The following BAHCC1 variants were observed in gnomAD, a reference collection of about 807,000 sequenced individuals.
BAHCC1 encodes the protein BAH domain and coiled-coil containing 1, also known as BAH and coiled-coil domain-containing protein 1.
In BAHCC1, 43 loss-of-function variants were observed where a neutral mutation model predicts 88.2. The ratio of observed to expected loss-of-function variants is 0.49; its 90% CI spans 0.38 to 0.63. The LOEUF (loss-of-function observed/expected upper bound fraction) is 0.63. Among genes scored for constraint, BAHCC1 ranks in the 20% least tolerant of loss-of-function variants. The probability of loss-of-function intolerance (pLI) is 0.00; values close to 1 mark genes in which losing one functional copy is unlikely to be tolerated. For missense variants in BAHCC1, 3,023 were observed against 1,654.8 expected (o/e 1.83, Z -14.34); for synonymous variants, 1,510 against 745.5 (o/e 2.03, Z -16.71).
rs1555658477 is a variant in BAHCC1 at position 81,459,308 on chromosome 17, G to C, written c.5776G>C (p.Glu1926Gln). The change falls in exon 22 of 28, where the codon GAG becomes CAG. Residue 1926 changes from glutamate to glutamine, a missense_variant. Physicochemically the swap from Glu to Gln is conservative, Grantham distance 29. Coordinates refer to ENST00000675386, the MANE Select transcript of BAHCC1 (RefSeq NM_001377448.1). ...CAACCGGCAGAGGATCTACTCACTG[G>C]AGCAGCTGCTGCAGGAAGCGGTGAG... is the stretch of plus-strand genomic sequence containing the variant. The part of the protein sequence containing the change: ...RGNRQRIYSL[E>Q]QLLQEAVLDV... 6 of 779,156 alleles carry C rather than the reference G, an allele frequency of 7.7e-6. No individual in the cohort carries two copies. Among genetic ancestry groups the C allele is most frequent in the Non-Finnish European group, 1.2e-5 (5 of 417,720 alleles). 48.3% of individuals were successfully genotyped at this position (779,156 alleles called of 1,614,324 possible).
chr17:81,458,947 C>A lies in BAHCC1; in HGVS notation c.5583C>A (p.Ser1861Arg). The change falls in exon 20 of 28, where the codon AGC (serine) becomes AGA (arginine). Residue 1861 changes from serine (S) to arginine (R), a missense_variant. Physicochemically the swap from Ser to Arg is moderately radical, Grantham distance 110. Coordinates refer to ENST00000675386, the MANE Select transcript of BAHCC1 (RefSeq NM_001377448.1). ...EEEEEDSGPL[S>R]AEQSAALARS... is the part of the protein sequence containing the mutation. Reference sequence around the variant, plus strand: ...AGGAGGAGGACAGCGGCCCTCTGAGCGCAGAGCAGAGCGCCGCCCTAGGTG... The same window carrying A: ...AGGAGGAGGACAGCGGCCCTCTGAGAGCAGAGCAGAGCGCCGCCCTAGGTG... 1.3e-6 allele frequency: 1 copy of A among 751,928 alleles called. No homozygotes were observed. Among genetic ancestry groups the A allele is most frequent in the South Asian group, 1.4e-5 (1 of 71,322 alleles). The allele number at this position is 751,928 out of a possible 1,614,324, so 46.6% of individuals were successfully genotyped here.
rs1277372184 is a variant in BAHCC1, at chr17:81,399,445, G to A, written c.-206-89G>A. 1.9e-5 allele frequency: 3 copies of A among 159,328 alleles called. No homozygotes were observed. The highest frequency in any genetic ancestry group is 7.4e-5 in the African/African-American group (3 of 40,624). The allele number at this position is 159,328 out of a possible 1,614,324, so 9.9% of individuals were successfully genotyped here. A position where few individuals can be genotyped will look rare whatever the true frequency, so the allele number is the denominator to read the frequency against. ...GCTCGGGCCGGCGGGGGTGGGGGGTGGGGGGAGTGGGTGAGCGGGCGGGGC... is the reference window on the plus strand; with the variant it reads ...GCTCGGGCCGGCGGGGGTGGGGGGTAGGGGGAGTGGGTGAGCGGGCGGGGC... On this transcript the variant is annotated intron_variant, in intron 1 of 27. Coordinates refer to ENST00000675386, the MANE Select transcript of BAHCC1 (RefSeq NM_001377448.1). This position sits in a 1 kb window ranked among gnomAD's most constrained non-coding sequence, Gnocchi z 4.5.
intron 1 of BAHCC1, chr17:81,396,904 A>C (rs1430258013): frequency 6.6e-6 from 1 of 152,230 alleles, no homozygotes; most frequent in Non-Finnish European, 1.5e-5. Context: ...CCCTTACCTC[A>C]GCCCGACCTG....
chr17:81,403,835 G>A (rs781095783), intron 2 of BAHCC1, among the ~76,000 whole-genome samples: 15 of 152,140 alleles, frequency 9.9e-5, no homozygotes, highest in Admixed American at 2.0e-4. Context: ...CGCGTGGACC[G>A]GCGGCGGTGG....
chr17:81,434,329 G>A lies in BAHCC1; in HGVS notation c.359-4041G>A, dbSNP rs541491822. ...CCAGCCAGGCGCATGTGGGAGCCGA[G>A]GTGGTACTGCAGTGGGAGACAGGTC... On this transcript the variant is annotated intron_variant, in intron 3 of 27. Transcript: ENST00000675386. The surrounding 1 kb of genome is among the most constrained non-coding windows in gnomAD (Gnocchi z 4.9). 3.3e-5 allele frequency among the ~76,000 whole-genome samples: 5 copies of A among 152,334 alleles called. No individual in the cohort carries two copies. The South Asian group carries it at 1.0e-3, about 32-fold the overall frequency.
At chr17:81,444,007 C>T in intron 6 of BAHCC1, 90 bp downstream of exon 6, 1 of 677,658 alleles carries the variant, frequency 1.5e-6, no homozygotes, top group Non-Finnish European at 2.7e-6. Context: ...GAGGGGTGGT[C>T]ATGGCTGGGG....
At chr17:81,431,534 C>A (rs1477773939) in intron 3 of BAHCC1, among the ~76,000 whole-genome samples, 2 of 152,126 alleles carry the variant, frequency 1.3e-5, no homozygotes, top group Non-Finnish European at 2.9e-5. Context: ...AGAACCTGAG[C>A]CCCAGGGAGG....
chr17:81,448,653 C>T (rs2064577516), intron 11 of BAHCC1, among the ~76,000 whole-genome samples: 1 of 152,148 alleles, frequency 6.6e-6, no homozygotes, highest in Non-Finnish European at 1.5e-5. Flanking sequence ...TAAAGCTCAC[C>T]ACCGCGATGA....
At chr17:81,430,175 C>G (rs1347554580) in intron 3 of BAHCC1, among the ~76,000 whole-genome samples, 8 of 152,172 alleles carry the variant, frequency 5.3e-5, no homozygotes, top group Non-Finnish European at 2.9e-5. Flanking sequence ...GGGGCACACA[C>G]AGCTGGCCCT....
In BAHCC1 at chr17:81,452,723, G is replaced by A; in HGVS notation, c.4317G>A (p.Glu1439=). 1.3e-6 allele frequency: 1 copy of A among 752,522 alleles called. No homozygotes were observed. The highest frequency in any genetic ancestry group is 1.4e-5 in the South Asian group (1 of 71,668). 46.6% of individuals were successfully genotyped at this position (752,522 alleles called of 1,614,324 possible). A position where few individuals can be genotyped will look rare whatever the true frequency, so the allele number is the denominator to read the frequency against. Residue 1439 remains glutamate (E), a splice_region_variant and synonymous_variant, in exon 14 of 28, where the codon GAG becomes GAA. Transcript: ENST00000675386. ...LARLQRKHDH[E]RDESSRSPAR... is the part of the protein sequence containing the mutation. ...TGACCATCCCCCCTGCGGCCCCCAG[G>A]AGAGACGAGAGTTCACGGAGCCCTG...
At position 81,458,896 on chromosome 17, in the gene BAHCC1, G is replaced by A. The variant is rs371234536; in HGVS notation, c.5532G>A (p.Ser1844=). Residue 1844 remains serine, a synonymous_variant, in exon 20 of 28, where the codon TCG becomes TCA. Coordinates refer to ENST00000675386, the MANE Select transcript of BAHCC1 (RefSeq NM_001377448.1). ...AGTTCGACGACAACAGCAGCTTCTC[G>A]GAAGAGGAGGAGGACGAGGAGGAAG... ...DFEFDDNSSF[S]EEEEDEEEEE... 41 of 774,034 alleles carry A rather than the reference G, an allele frequency of 5.3e-5. No individual in the cohort carries two copies. Among genetic ancestry groups the A allele is most frequent in the Middle Eastern group, 2.3e-4 (1 of 4,420 alleles). The allele number at this position is 774,034 out of a possible 1,614,324, so 47.9% of individuals were successfully genotyped here. A position where few individuals can be genotyped will look rare whatever the true frequency, so the allele number is the denominator to read the frequency against.
intron 14 of BAHCC1, among the ~76,000 whole-genome samples, chr17:81,453,618 G>A (rs1555656493): frequency 6.6e-6 from 1 of 151,958 alleles, no homozygotes; most frequent in Admixed American, 6.6e-5. Context: ...CCCCTGCCCT[G>A]CCCAGGTGTC....
chr17:81,452,178 T>A, intron 13 of BAHCC1, 71 bp downstream of exon 13: 1 of 549,424 alleles, frequency 1.8e-6, no homozygotes, highest in Admixed American at 3.6e-5. Flanking sequence ...CCCACAGTGC[T>A]GGGGCCGATG....
At chr17:81,456,948 C>G (rs1195302512) in intron 16 of BAHCC1, among the ~76,000 whole-genome samples, 1 of 152,098 alleles carries the variant, frequency 6.6e-6, no homozygotes, top group African/African-American at 2.4e-5. Context: ...TCTGACCACC[C>G]CCCCCAGCAA....
Position 81,399,664 on chromosome 17 carries a change from C to T in BAHCC1, c.-76C>T. ...CCGGACGCCGCCGCCTCTGCGCCGCCCGCGCGCCGAGCCGCCCCCGGGCCC... is the reference window on the plus strand; with the variant it reads ...CCGGACGCCGCCGCCTCTGCGCCGCTCGCGCGCCGAGCCGCCCCCGGGCCC... On this transcript the variant is annotated 5_prime_UTR_variant, in exon 2 of 28. Transcript: ENST00000675386. The surrounding 1 kb of genome is among the most constrained non-coding windows in gnomAD (Gnocchi z 4.5). The T allele has an allele frequency of 6.5e-6, 6 of 929,908 alleles. No homozygotes were observed. The highest frequency in any genetic ancestry group is 6.4e-6 in the Non-Finnish European group (5 of 778,558). The allele number at this position is 929,908 out of a possible 1,614,324, so 57.6% of individuals were successfully genotyped here.
chr17:81,445,022 C>A lies in BAHCC1; in HGVS notation c.2679C>A (p.Val893=). The change falls in exon 9 of 28, where the codon GTC becomes GTA. Residue 893 remains valine, a synonymous_variant. Transcript: ENST00000675386. Reference sequence around the variant, plus strand: ...CCTGGGCCCTGCCCACAGCGGATGTCATGGACCAGGCGTCACTGTGGCCCC... The same window carrying A: ...CCTGGGCCCTGCCCACAGCGGATGTAATGGACCAGGCGTCACTGTGGCCCC... The part of the protein sequence containing the change: ...PHSAPHALAD[V]MDQASLWPPM... 1.3e-6 allele frequency: 1 copy of A among 762,470 alleles called. No homozygotes were observed. Among genetic ancestry groups the A allele is most frequent in the Non-Finnish European group, 2.4e-6 (1 of 411,992 alleles). The allele number at this position is 762,470 out of a possible 1,614,324, so 47.2% of individuals were successfully genotyped here.
Position 81,463,950 on chromosome 17 carries a change from G to A in BAHCC1, c.*133G>A, listed in dbSNP as rs1234066153. On this transcript the variant is annotated 3_prime_UTR_variant, in exon 28 of 28. Coordinates refer to ENST00000675386, the MANE Select transcript of BAHCC1 (RefSeq NM_001377448.1). ...CTGAGCAAATATGCAAAAGCCCACA[G>A]GGCAAGACCCAGGCTTTCTTACGGT... The A allele has an allele frequency of 4.8e-6, 3 of 629,782 alleles. No individual in the cohort carries two copies. Among genetic ancestry groups the A allele is most frequent in the Non-Finnish European group, 8.5e-6 (3 of 350,944 alleles). 39.0% of individuals were successfully genotyped at this position (629,782 alleles called of 1,614,324 possible). A position where few individuals can be genotyped will look rare whatever the true frequency, so the allele number is the denominator to read the frequency against.
At chr17:81,415,348 A>C in intron 2 of BAHCC1, 1 of 323,276 alleles carries the variant, frequency 3.1e-6, no homozygotes, top group Non-Finnish European at 6.1e-6. Flanking sequence ...CTTCGTTGTG[A>C]AGGAGGGCAG....
At chr17:81,438,051 A>G (rs1249691571) in intron 3 of BAHCC1, among the ~76,000 whole-genome samples, 1 of 152,180 alleles carries the variant, frequency 6.6e-6, no homozygotes, top group Non-Finnish European at 1.5e-5. Flanking sequence ...AAACCTCCCC[A>G]GAGTCCCTTT....
Sources: gnomAD v4.1 joint callset for allele counts (sites outside exome capture counted in the v4.1 genomes callset) on GRCh38, gnomAD v4.1.1 for gene constraint, Gnocchi (gnomAD v3.1) non-coding constraint, MANE v1.5 for transcripts, NCBI Gene and HGNC (gene_info 2026-07-23, HGNC 2026-07-21) for gene names.